Variants in KLRG2 observed in about 807,000 individuals in gnomAD.
KLRG2 encodes the protein killer cell lectin like receptor G2.
KLRG2 carries 39 observed loss-of-function variants against 35.4 expected under a neutral mutation model. That is an observed-to-expected ratio of 1.10 (90% CI 0.85 to 1.44). The LOEUF (loss-of-function observed/expected upper bound fraction) is 1.44. Among genes scored for constraint, KLRG2 ranks in the 40% most tolerant of loss-of-function variants. The pLI, the probability that KLRG2 is intolerant of heterozygous loss-of-function variation, is 0.00. For missense variants in KLRG2, 632 were observed against 570.9 expected (o/e 1.11, Z -1.09); for synonymous variants, 283 against 265.8 (o/e 1.06, Z -0.63).
At chr7:139,434,862 A>G in the KLRG2 span, among the ~76,000 whole-genome samples, 1 of 152,160 alleles carries the variant, frequency 6.6e-6, no homozygotes, top group Non-Finnish European at 1.5e-5. Context: ...GGAAGCGATA[A>G]TAATACATTT....
intron 2 of KLRG2, 103 bp from the exon 3 acceptor site, chr7:139,479,875 A>C: frequency 7.5e-7 from 1 of 1,333,138 alleles, no homozygotes; most frequent in South Asian, 1.4e-5. Flanking sequence ...GGCAAACCTC[A>C]AGGTGGGCAG....
At chr7:139,436,754 A>C in the KLRG2 span, among the ~76,000 whole-genome samples, 1 of 152,250 alleles carries the variant, frequency 6.6e-6, no homozygotes, top group African/African-American at 2.4e-5. Context: ...TGTTACTAAA[A>C]GCCAAACTAA....
At position 139,482,947 on chromosome 7, in the gene KLRG2, C is replaced by G; in HGVS notation, c.696G>C (p.Ala232=). 1.3e-6 allele frequency: 2 copies of G among 1,482,230 alleles called. No homozygotes were observed. The highest frequency in any genetic ancestry group is 2.9e-5 in the East Asian group (1 of 34,814). 91.8% of individuals were successfully genotyped at this position (1,482,230 alleles called of 1,614,324 possible). The change falls in exon 1 of 5, where the codon GCG becomes GCC. Residue 232 remains alanine, a synonymous_variant. Transcript: ENST00000340940. Reference sequence around the variant, plus strand: ...CGTCCAACCCCGCGCGGGGCAACAGCGCCGCATCCTCCTTCTCCAGCCCCA... The same window carrying G: ...CGTCCAACCCCGCGCGGGGCAACAGGGCCGCATCCTCCTTCTCCAGCCCCA... ...KELGLEKEDA[A]LLPRAGLDGD...
intron 3 of KLRG2, among the ~76,000 whole-genome samples, chr7:139,457,475 G>A (rs1796496827): frequency 6.6e-6 from 1 of 152,114 alleles, no homozygotes; most frequent in African/African-American, 2.4e-5. Context: ...GCCGCTGTGT[G>A]GTCGTCTGTA....
At chr7:139,465,847 G>T (rs1171310144) in intron 3 of KLRG2, among the ~76,000 whole-genome samples, 1 of 152,074 alleles carries the variant, frequency 6.6e-6, no homozygotes, top group African/African-American at 2.4e-5. Flanking sequence ...TATCCCTCAT[G>T]GCAGTTTTTC....
intron 3 of KLRG2, among the ~76,000 whole-genome samples, chr7:139,474,564 G>A (rs1796816265): frequency 6.6e-6 from 1 of 151,828 alleles, no homozygotes; most frequent in South Asian, 2.1e-4. Flanking sequence ...TTTGAGACCA[G>A]CCTGGCCAAC....
At chr7:139,465,200 A>T (rs1387827167) in intron 3 of KLRG2, among the ~76,000 whole-genome samples, 1 of 152,176 alleles carries the variant, frequency 6.6e-6, no homozygotes, top group Non-Finnish European at 1.5e-5. Context: ...CAACTAGCCA[A>T]ACTCATTGCC....
the KLRG2 span, among the ~76,000 whole-genome samples, chr7:139,440,885 C>A: frequency 1.3e-5 from 2 of 152,178 alleles, no homozygotes; most frequent in Non-Finnish European, 2.9e-5. Flanking sequence ...ATTTATATGA[C>A]CCTCATCTAG....
At chr7:139,481,186 G>C (rs545747061) in intron 1 of KLRG2, among the ~76,000 whole-genome samples, 8 of 152,284 alleles carry the variant, frequency 5.3e-5, no homozygotes, top group Admixed American at 2.0e-4. Context: ...GGCAAGAAAA[G>C]GGAGTCTCCC....
chr7:139,467,503 C>T (rs1340612066), intron 3 of KLRG2, among the ~76,000 whole-genome samples: 2 of 152,090 alleles, frequency 1.3e-5, no homozygotes, highest in African/African-American at 4.8e-5. Flanking sequence ...AAAAATTCTT[C>T]TGCCTTGGTA....
chr7:139,457,253 G>A (rs1796493596), intron 3 of KLRG2, among the ~76,000 whole-genome samples: 1 of 152,166 alleles, frequency 6.6e-6, no homozygotes, highest in African/African-American at 2.4e-5. Context: ...TGGAGAGGAT[G>A]GGAGGGCCCC....
At chr7:139,479,874 C>G in intron 2 of KLRG2, 102 bp from the exon 3 acceptor site, 1 of 1,342,670 alleles carries the variant, frequency 7.4e-7, no homozygotes, top group Non-Finnish European at 1.0e-6. Flanking sequence ...TGGCAAACCT[C>G]AAGGTGGGCA....
At chr7:139,463,791 T>C (rs1408258115) in intron 3 of KLRG2, among the ~76,000 whole-genome samples, 4 of 152,206 alleles carry the variant, frequency 2.6e-5, no homozygotes, top group African/African-American at 9.6e-5. Flanking sequence ...CCTCAGAAGC[T>C]TCCTGGACCA....
At chr7:139,463,601 C>G (rs575055464) in intron 3 of KLRG2, among the ~76,000 whole-genome samples, 9 of 152,294 alleles carry the variant, frequency 5.9e-5, no homozygotes, top group African/African-American at 1.9e-4. Context: ...AAGGAATGCC[C>G]GCAGCCCAGG....
Position 139,483,383 on chromosome 7 carries a change from T to C in KLRG2, c.260A>G (p.Tyr87Cys). Residue 87 changes from tyrosine to cysteine, a missense_variant, in exon 1 of 5, where the codon TAC (tyrosine) becomes TGC (cysteine). By Grantham distance (194) the Tyr-to-Cys change is radical. Coordinates refer to ENST00000340940, the MANE Select transcript of KLRG2 (RefSeq NM_198508.4). The stretch of plus-strand genomic sequence containing the variant: ...TGACGGCGGCTCGGGGCAGACCCCG[T>C]AGCCCAGGCTGAGCGGCGGCACGCG... ...SPRVPPLSLGYGVCPEPPSPG... is the reference protein window; with the variant it reads ...SPRVPPLSLGCGVCPEPPSPG... 1 of 1,537,980 alleles carries C rather than the reference T, an allele frequency of 6.5e-7. No homozygotes were observed. The highest frequency in any genetic ancestry group is 8.7e-7 in the Non-Finnish European group (1 of 1,154,502).
chr7:139,459,302 CTG>C (rs984169618), intron 3 of KLRG2, among the ~76,000 whole-genome samples: 7 of 152,196 alleles, frequency 4.6e-5, no homozygotes, highest in African/African-American at 9.7e-5. Flanking sequence ...TGTGCTCAAT[CTG>C]TCTGTCTCAG....
chr7:139,427,741 C>G, the KLRG2 span, among the ~76,000 whole-genome samples: 1 of 152,148 alleles, frequency 6.6e-6, no homozygotes, highest in Non-Finnish European at 1.5e-5. Flanking sequence ...CAGAACCTCT[C>G]GCAACCTTTT....
Position 139,479,628 on chromosome 7 carries a change from T to C in KLRG2, c.1004A>G (p.Gln335Arg). ...TTAGATTGGACACCCCCTTCTCACC[T>C]GGGTGTGGCTTAGCAGGGGGAGGGT... ...HATLPLLSHTQDFLGRYPVSR... is the reference protein window; with the variant it reads ...HATLPLLSHTRDFLGRYPVSR... The change falls in exon 3 of 5, where the codon CAG becomes CGG. Residue 335 changes from glutamine to arginine, a missense_variant and splice_region_variant. Coordinates refer to ENST00000340940, the MANE Select transcript of KLRG2 (RefSeq NM_198508.4). The C allele has an allele frequency of 1.2e-6, 2 of 1,612,152 alleles. No homozygotes were observed. The highest frequency in any genetic ancestry group is 1.7e-6 in the Non-Finnish European group (2 of 1,179,802).
chr7:139,459,263 C>T (rs778017401), intron 3 of KLRG2, among the ~76,000 whole-genome samples: 2 of 152,132 alleles, frequency 1.3e-5, no homozygotes, highest in Non-Finnish European at 2.9e-5. Flanking sequence ...ATGTGAGGCC[C>T]GTTTTACTGG....
Sources: gnomAD v4.1 joint callset for allele counts (sites outside exome capture counted in the v4.1 genomes callset) on GRCh38, gnomAD v4.1.1 for gene constraint, MANE v1.5 for transcripts, NCBI Gene and HGNC (gene_info 2026-07-23, HGNC 2026-07-21) for gene names.